Variants in CACNB1 observed in about 807,000 individuals in gnomAD.
CACNB1 encodes voltage-dependent L-type calcium channel subunit beta-1.
In CACNB1, 29 loss-of-function variants were observed where a neutral mutation model predicts 71.6. That is an observed-to-expected ratio of 0.40 (90% CI 0.30 to 0.55). The LOEUF is 0.55. Among genes scored for constraint, CACNB1 ranks in the 20% least tolerant of loss-of-function variants. The pLI, the probability that CACNB1 is intolerant of heterozygous loss-of-function variation, is 0.38. For synonymous variants in CACNB1, 300 were observed against 319.6 expected, an observed-to-expected ratio of 0.94 and a Z score of 0.65; for missense variants, 623 against 801.8, an observed-to-expected ratio of 0.78 and a Z score of 2.69.
At chr17:39,188,304 G>A (rs1338728589) in intron 3 of CACNB1, among the ~76,000 whole-genome samples, 1 of 151,932 alleles carries the variant, frequency 6.6e-6, no homozygotes, top group Non-Finnish European at 1.5e-5. Context: ...GTCTGGGCGT[G>A]GTGGCTCACG....
chr17:39,197,482 G>C lies in CACNB1; in HGVS notation c.14C>G (p.Thr5Ser). The C allele has an allele frequency of 6.7e-7, 1 of 1,494,732 alleles. No homozygotes were observed. Among genetic ancestry groups the C allele is most frequent in the Non-Finnish European group, 8.9e-7 (1 of 1,124,834 alleles). 92.6% of individuals were successfully genotyped at this position (1,494,732 alleles called of 1,614,324 possible). Residue 5 changes from threonine (T) to serine (S), a missense_variant, in exon 1 of 14, where the codon ACC becomes AGC. Thr to Ser is a moderately conservative substitution (Grantham distance 58, BLOSUM62 1). Coordinates refer to ENST00000394303, the MANE Select transcript of CACNB1 (RefSeq NM_000723.5). ...TGGGTAAGGGCCCCGGGACATGCTG[G>C]TCTTCTGGACCATGGAGAGGAGCCT... MVQK[T>S]SMSRGPYPPS...
chr17:39,181,680 A>C (rs150194689), intron 11 of CACNB1, among the ~76,000 whole-genome samples: 106 of 152,248 alleles, frequency 7.0e-4, no homozygotes, highest in Middle Eastern at 6.8e-3. Context: ...GAAGTACTTA[A>C]ATCCCATCAT....
At chr17:39,189,416 T>A (rs58242301) in intron 3 of CACNB1, among the ~76,000 whole-genome samples, 50,022 of 151,898 alleles carry the variant, frequency 0.33, 9,467 homozygotes, top group Non-Finnish European at 0.44. Context: ...CCAGGCACAG[T>A]GGCTCACACC....
intron 6 of CACNB1, chr17:39,185,984 G>A (rs138949202): frequency 5.2e-4 from 834 of 1,613,522 alleles, no homozygotes; most frequent in Non-Finnish European, 6.7e-4. Flanking sequence ...GCCATGGGGT[G>A]GCGGGGTGGT....
At chr17:39,185,561 C>T (rs1306962580) in intron 6 of CACNB1, among the ~76,000 whole-genome samples, 1 of 152,020 alleles carries the variant, frequency 6.6e-6, no homozygotes, top group African/African-American at 2.4e-5. Flanking sequence ...CAGCAGCCCC[C>T]CCCCACTATG....
chr17:39,175,746 A>C lies in CACNB1; in HGVS notation c.1333-89T>G. 3 of 1,087,956 alleles carry C rather than the reference A, an allele frequency of 2.8e-6. No individual in the cohort carries two copies. The highest frequency in any genetic ancestry group is 3.9e-6 in the Non-Finnish European group (3 of 763,220). 67.4% of individuals were successfully genotyped at this position (1,087,956 alleles called of 1,614,324 possible). A position where few individuals can be genotyped will look rare whatever the true frequency, so the allele number is the denominator to read the frequency against. ...GCAAGGCAAGTTAGTGACAGCATTA[A>C]GAGGTCCGGCCTGGATGAAGAGGGT... On this transcript the variant is annotated intron_variant, in intron 13 of 13. Coordinates refer to ENST00000394303, the MANE Select transcript of CACNB1 (RefSeq NM_000723.5). This position sits in a 1 kb window ranked among gnomAD's most constrained non-coding sequence, Gnocchi z 4.7.
In CACNB1 at chr17:39,182,911, G is replaced by A. The variant is rs770963778; in HGVS notation, c.1050+802C>T. The A allele has an allele frequency of 1.1e-5, 11 of 963,338 alleles. No individual in the cohort carries two copies. The South Asian group carries it at 3.4e-4, about 29-fold the overall frequency. The allele number at this position is 963,338 out of a possible 1,614,324, so 59.7% of individuals were successfully genotyped here. On this transcript the variant is annotated intron_variant, in intron 11 of 13. Transcript: ENST00000394303. ...ACCAACAATAAGAATAAATCAATAC[G>A]TAAACCAATCAGAGCTTGAATTTCA...
Position 39,175,714 on chromosome 17 carries a change from C to G in CACNB1, c.1333-57G>C, listed in dbSNP as rs1489850297. The G allele has an allele frequency of 5.9e-6, 8 of 1,357,768 alleles. No homozygotes were observed. Among genetic ancestry groups the G allele is most frequent in the Non-Finnish European group, 1.0e-6 (1 of 992,228 alleles). The allele number at this position is 1,357,768 out of a possible 1,614,324, so 84.1% of individuals were successfully genotyped here. On this transcript the variant is annotated intron_variant, in intron 13 of 13. Coordinates refer to ENST00000394303, the MANE Select transcript of CACNB1 (RefSeq NM_000723.5). This position sits in a 1 kb window ranked among gnomAD's most constrained non-coding sequence, Gnocchi z 4.7. ...AGATCAGGCAGGGGTGAGAAAAACA[C>G]AACAAAGCAAGGCAAGTTAGTGACA...
Position 39,191,191 on chromosome 17 carries a change from A to G in CACNB1, c.291+283T>C, listed in dbSNP as rs118062602. The stretch of plus-strand genomic sequence containing the variant: ...TGCACTCCAGCCTGGGTGACAGAGC[A>G]AGACTGCAACTCAAAAAACAAAAAA... On this transcript the variant is annotated intron_variant, in intron 3 of 13. Transcript: ENST00000394303. 5.0e-3 allele frequency among the ~76,000 whole-genome samples: 759 copies of G among 152,266 alleles called. 8 individuals carry two copies. Among genetic ancestry groups the G allele is most frequent in the Non-Finnish European group, 8.4e-3 (574 of 68,016 alleles).
intron 6 of CACNB1, chr17:39,185,990 G>T: frequency 1.9e-6 from 3 of 1,613,600 alleles, no homozygotes. Context: ...GGGTGGCGGG[G>T]TGGTGACACT....
Position 39,191,204 on chromosome 17 carries a change from A to G in CACNB1, c.291+270T>C, listed in dbSNP as rs1338578818. Among the ~76,000 whole-genome samples the G allele has an allele frequency of 2.0e-5, 3 of 152,050 alleles. No homozygotes were observed. The East Asian group carries it at 5.8e-4, about 29-fold the overall frequency. ...GGGTGACAGAGCAAGACTGCAACTC[A>G]AAAAACAAAAAAAAGAAATTTTTAG... On this transcript the variant is annotated intron_variant, in intron 3 of 13. Coordinates refer to ENST00000394303, the MANE Select transcript of CACNB1 (RefSeq NM_000723.5).
In CACNB1 at chr17:39,184,399, T is replaced by A. The variant is rs749639772; in HGVS notation, c.730-16A>T. ...TGTCTGTAACCTGGGGGTGGGGGTT[T>A]GTGGGGAGGGAGGGAGGAGAAGGCA... On this transcript the variant is annotated splice_polypyrimidine_tract_variant and intron_variant, in intron 8 of 13. Transcript: ENST00000394303. 3 of 818,574 alleles carry A rather than the reference T, an allele frequency of 3.7e-6. No homozygotes were observed. Among genetic ancestry groups the A allele is most frequent in the South Asian group, 2.9e-5 (2 of 70,052 alleles). The allele number at this position is 818,574 out of a possible 1,614,324, so 50.7% of individuals were successfully genotyped here. A position where few individuals can be genotyped will look rare whatever the true frequency, so the allele number is the denominator to read the frequency against.
At chr17:39,184,440 T>C in intron 8 of CACNB1, 57 bp from the exon 9 acceptor site, 1 of 976,504 alleles carries the variant, frequency 1.0e-6, no homozygotes, top group Non-Finnish European at 1.6e-6. Context: ...TTAAAGCCGC[T>C]CAGACTCTGA....
intron 11 of CACNB1, among the ~76,000 whole-genome samples, chr17:39,182,326 A>G (rs1164541218): frequency 6.8e-6 from 1 of 146,020 alleles, no homozygotes; most frequent in East Asian, 2.0e-4. Context: ...GGCTGTCTCA[A>G]AAAAAAAAAA....
At chr17:39,180,326 T>A (rs1567794831) in intron 11 of CACNB1, among the ~76,000 whole-genome samples, 1 of 151,152 alleles carries the variant, frequency 6.6e-6, no homozygotes, top group Non-Finnish European at 1.5e-5. Context: ...TACAATTGCA[T>A]CATGGTTGTG....
At position 39,184,255 on chromosome 17, in the gene CACNB1, C is replaced by T. The variant is rs11867859; in HGVS notation, c.788+70G>A. ...CAGTCCGAGTCCCAGGATTGTGATT[C>T]GAGGCATCCTGCCCATCCCCAGCAG... On this transcript the variant is annotated intron_variant, in intron 9 of 13. Coordinates refer to ENST00000394303, the MANE Select transcript of CACNB1 (RefSeq NM_000723.5). 2,265 of 1,302,262 alleles carry T rather than the reference C, an allele frequency of 1.7e-3. 33 individuals are homozygous for T. In the African/African-American group the frequency reaches 0.03, roughly 17 times the overall value. 80.7% of individuals were successfully genotyped at this position (1,302,262 alleles called of 1,614,324 possible).
rs781420716 is a variant in CACNB1, at chr17:39,186,769, C to T, written c.551+24G>A. ...GCCTCTCCTGGGGTTGGCAGCATCCCCTTCCCCTGCCCCACCCAGACACCT... is the reference window on the plus strand; with the variant it reads ...GCCTCTCCTGGGGTTGGCAGCATCCTCTTCCCCTGCCCCACCCAGACACCT... On this transcript the variant is annotated intron_variant, in intron 5 of 13. Coordinates refer to ENST00000394303, the MANE Select transcript of CACNB1 (RefSeq NM_000723.5). The surrounding 1 kb of genome is among the most constrained non-coding windows in gnomAD (Gnocchi z 4.1). The T allele has an allele frequency of 1.9e-6, 3 of 1,612,806 alleles. No individual in the cohort carries two copies. The highest frequency in any genetic ancestry group is 2.5e-6 in the Non-Finnish European group (3 of 1,179,576).
chr17:39,190,117 A>AAAAT (rs1181248442), intron 3 of CACNB1, among the ~76,000 whole-genome samples: 1 of 148,752 alleles, frequency 6.7e-6, no homozygotes. Context: ...CTCCATCTCA[A>AAAAT]AAATAAATAA....
chr17:39,190,948 T>C (rs1442003931), intron 3 of CACNB1, among the ~76,000 whole-genome samples: 1 of 151,722 alleles, frequency 6.6e-6, no homozygotes, highest in Non-Finnish European at 1.5e-5. Context: ...CTCACGCCTG[T>C]AATCCCAGCA....
Sources: gnomAD v4.1 joint callset for allele counts (sites outside exome capture counted in the v4.1 genomes callset) on GRCh38, gnomAD v4.1.1 for gene constraint, Gnocchi (gnomAD v3.1) non-coding constraint, MANE v1.5 for transcripts, NCBI Gene and HGNC (gene_info 2026-07-23, HGNC 2026-07-21) for gene names.